The following VAT1L variants were observed in gnomAD, a reference collection of about 807,000 sequenced individuals.
The protein encoded by VAT1L is vesicle amine transport 1 like, also known as putative NADPH-dependent quinone oxidoreductase VAT1L.
A neutral mutation model predicts 44.1 loss-of-function variants in VAT1L; 34 were observed. That is an observed-to-expected ratio of 0.77 (90% confidence interval 0.59 to 1.03). The LOEUF (loss-of-function observed/expected upper bound fraction) is 1.03, where lower values mean the gene tolerates loss of function less well. VAT1L is among the 50% of genes least tolerant of loss of function. The pLI is 0.00. For missense variants in VAT1L, 615 were observed against 538.8 expected, an observed-to-expected ratio of 1.14 and a Z score of -1.40; for synonymous variants, 253 against 202.2, an observed-to-expected ratio of 1.25 and a Z score of -2.13.
intron 3 of VAT1L, 38 bp from the exon 4 acceptor site, chr16:77,862,710 C>G (rs1445103907): frequency 1.3e-6 from 2 of 1,595,944 alleles, no homozygotes; most frequent in Non-Finnish European, 1.7e-6. Context: ...GATCTGGTGG[C>G]TCCTATGTGT....
rs1330738372 is a variant in VAT1L, at chr16:77,795,809, T to G, written c.233+6894T>G. 5.0e-5 allele frequency among the ~76,000 whole-genome samples: 7 copies of G among 139,796 alleles called. No individual in the cohort carries two copies. In the South Asian group the frequency reaches 6.7e-4, roughly 13 times the overall value. 91.7% of individuals were successfully genotyped at this position (139,796 alleles called of 152,430 possible). A position where few individuals can be genotyped will look rare whatever the true frequency, so the allele number is the denominator to read the frequency against. On this transcript the variant is annotated intron_variant, in intron 1 of 8. Coordinates refer to ENST00000302536, the MANE Select transcript of VAT1L (RefSeq NM_020927.3). ...TCAGCAAGTCGCTTAGCTCCCTTTT[T>G]TCTCTTTTTTTTTTTTTTTTTTTTT... is the stretch of plus-strand genomic sequence containing the variant.
At chr16:77,974,707 C>T (rs2018316642) in intron 8 of VAT1L, among the ~76,000 whole-genome samples, 1 of 152,146 alleles carries the variant, frequency 6.6e-6, no homozygotes, top group African/African-American at 2.4e-5. Flanking sequence ...GAATTACAGG[C>T]ACATGCCACC....
At chr16:77,917,724 G>C (rs1488365082) in intron 7 of VAT1L, among the ~76,000 whole-genome samples, 1 of 152,146 alleles carries the variant, frequency 6.6e-6, no homozygotes, top group Admixed American at 6.5e-5. Flanking sequence ...TTGCCTTTCT[G>C]GTTCCAGTAA....
At chr16:77,803,547 G>C (rs1567468908) in intron 1 of VAT1L, among the ~76,000 whole-genome samples, 2 of 151,042 alleles carry the variant, frequency 1.3e-5, no homozygotes, top group African/African-American at 4.9e-5. Flanking sequence ...AGTCTCCAGA[G>C]TAGCTGGGAC....
At chr16:77,977,255 A>G (rs1428651410) in intron 8 of VAT1L, among the ~76,000 whole-genome samples, 3 of 152,164 alleles carry the variant, frequency 2.0e-5, no homozygotes, top group Non-Finnish European at 4.4e-5. Context: ...AGGGTCTCTC[A>G]GAGGTCCCCA....
chr16:77,797,337 C>T (rs1446721521), intron 1 of VAT1L, among the ~76,000 whole-genome samples: 3 of 152,170 alleles, frequency 2.0e-5, no homozygotes, highest in Non-Finnish European at 4.4e-5. Flanking sequence ...TCTCAAACTC[C>T]TGACCTCAGG....
chr16:77,801,372 C>T (rs2016048764), intron 1 of VAT1L: 1 of 152,148 alleles, frequency 6.6e-6, no homozygotes. Flanking sequence ...AAAAAAAGAA[C>T]ATTCAGTAAT....
intron 7 of VAT1L, among the ~76,000 whole-genome samples, chr16:77,938,100 T>C (rs1222669116): frequency 6.6e-6 from 1 of 152,220 alleles, no homozygotes; most frequent in Non-Finnish European, 1.5e-5. Context: ...TGTGGACCAC[T>C]TGGGACCAGT....
chr16:77,821,972 A>G (rs2016460121), intron 2 of VAT1L, among the ~76,000 whole-genome samples: 1 of 152,156 alleles, frequency 6.6e-6, no homozygotes, highest in Non-Finnish European at 1.5e-5. Context: ...GTGAGCATGC[A>G]CTTTCTCGTG....
chr16:77,893,934 T>A (rs1467076218), intron 7 of VAT1L, among the ~76,000 whole-genome samples: 1 of 152,218 alleles, frequency 6.6e-6, no homozygotes, highest in Non-Finnish European at 1.5e-5. Context: ...GTACCTTGCA[T>A]TTATTAACTC....
At chr16:77,954,028 C>A (rs2018074298) in intron 7 of VAT1L, among the ~76,000 whole-genome samples, 1 of 152,128 alleles carries the variant, frequency 6.6e-6, no homozygotes, top group Non-Finnish European at 1.5e-5. Context: ...TCCTGTGTGA[C>A]CCCACCACCA....
intron 8 of VAT1L, among the ~76,000 whole-genome samples, chr16:77,973,880 C>T (rs940045393): frequency 1.3e-5 from 2 of 152,124 alleles, no homozygotes; most frequent in South Asian, 4.1e-4. Context: ...CACCTGCCAC[C>T]ATGCCTGGCT....
chr16:77,859,221 G>A (rs147760626), intron 3 of VAT1L, among the ~76,000 whole-genome samples: 275 of 152,122 alleles, frequency 1.8e-3, no homozygotes, highest in African/African-American at 6.4e-3. Flanking sequence ...GATCACTTGA[G>A]CCCAGGAGTT....
intron 7 of VAT1L, among the ~76,000 whole-genome samples, chr16:77,963,238 G>A (rs72796781): frequency 0.082 from 12,532 of 152,208 alleles, 580 homozygotes; most frequent in South Asian, 0.14. Context: ...GGACTTTGCC[G>A]ATGAGATTAA....
chr16:77,930,329 G>A (rs945764626), intron 7 of VAT1L, among the ~76,000 whole-genome samples: 1 of 152,158 alleles, frequency 6.6e-6, no homozygotes, highest in East Asian at 1.9e-4. Flanking sequence ...TGTTCTTTGG[G>A]GGGACATGGC....
intron 7 of VAT1L, among the ~76,000 whole-genome samples, chr16:77,897,743 G>A (rs1303757503): frequency 2.6e-5 from 4 of 152,142 alleles, no homozygotes; most frequent in Non-Finnish European, 4.4e-5. Context: ...CCCAAGTGCT[G>A]GGATTCCAGG....
At chr16:77,793,229 G>C (rs1173161377) in intron 1 of VAT1L, among the ~76,000 whole-genome samples, 2 of 152,096 alleles carry the variant, frequency 1.3e-5, no homozygotes, top group Non-Finnish European at 2.9e-5. Flanking sequence ...CTCCTGCCTT[G>C]ACTTCCTGCA....
chr16:77,943,000 C>T (rs2017908898), intron 7 of VAT1L, among the ~76,000 whole-genome samples: 1 of 151,920 alleles, frequency 6.6e-6, no homozygotes, highest in South Asian at 2.1e-4. Context: ...CCGCCTCGGC[C>T]TCCCAAAGTG....
intron 7 of VAT1L, among the ~76,000 whole-genome samples, chr16:77,955,258 C>T (rs2018089756): frequency 6.6e-6 from 1 of 152,164 alleles, no homozygotes; most frequent in Admixed American, 6.5e-5. Flanking sequence ...CCCTAAGGGA[C>T]ATTTGGCAAT....
Sources: allele counts gnomAD v4.1 joint callset (sites outside exome capture counted in the v4.1 genomes callset), GRCh38; gene constraint gnomAD v4.1.1; transcripts MANE v1.5; gene names NCBI Gene and HGNC (gene_info 2026-07-23, HGNC 2026-07-21).